Variants in PCDHGB7 observed in about 807,000 individuals in gnomAD.
The protein encoded by PCDHGB7 is protocadherin gamma subfamily B, 7.
In PCDHGB7, 37 loss-of-function variants were observed where a neutral mutation model predicts 61.4. The ratio of observed to expected loss-of-function variants is 0.60; its 90% CI spans 0.46 to 0.79. The LOEUF (loss-of-function observed/expected upper bound fraction) is 0.79, where lower values mean the gene tolerates loss of function less well. Among genes scored for constraint, PCDHGB7 ranks in the 30% least tolerant of loss-of-function variants. The pLI is 0.00. For synonymous variants in PCDHGB7, 464 were observed against 503.5 expected, an observed-to-expected ratio of 0.92 and a Z score of 1.05; for missense variants, 1,166 against 1,202.5, an observed-to-expected ratio of 0.97 and a Z score of 0.45.
rs1265400499 is a variant in PCDHGB7, at chr5:141,418,608, G to A, written c.749G>A (p.Ser250Asn). The A allele has an allele frequency of 6.2e-7, 1 of 1,614,040 alleles. No individual in the cohort carries two copies. Among genetic ancestry groups the A allele is most frequent in the Admixed American group, 1.7e-5 (1 of 60,036 alleles). The change falls in exon 1 of 4, where the codon AGC (serine) becomes AAC (asparagine). Residue 250 changes from serine to asparagine, a missense_variant. Transcript: ENST00000398594. ...TTCAGCCAGGACGTGTACAGGGTTA[G>A]CCTTCGGGAAGACGTGCCTCCAGGC... ...PVFSQDVYRVSLREDVPPGTS... is the reference protein window; with the variant it reads ...PVFSQDVYRVNLREDVPPGTS...
chr5:141,466,203 C>G (rs1291051063), intron 1 of PCDHGB7, among the ~76,000 whole-genome samples: 1 of 151,914 alleles, frequency 6.6e-6, no homozygotes, highest in Non-Finnish European at 1.5e-5. Context: ...CACAGCCTTG[C>G]TCTGTTACCC....
At chr5:141,499,330 C>T (rs1040336371) in intron 2 of PCDHGB7, among the ~76,000 whole-genome samples, 1 of 152,170 alleles carries the variant, frequency 6.6e-6, no homozygotes, top group African/African-American at 2.4e-5. Flanking sequence ...CCTGCTCTCT[C>T]TCAGTTTGGG....
chr5:141,506,896 T>C (rs1417106112), intron 3 of PCDHGB7, among the ~76,000 whole-genome samples: 3 of 152,158 alleles, frequency 2.0e-5, no homozygotes, highest in African/African-American at 7.2e-5. Flanking sequence ...CAAGAAGCAC[T>C]GTCATCACAC....
intron 1 of PCDHGB7, chr5:141,478,531 C>A (rs771145308): frequency 8.1e-6 from 13 of 1,608,072 alleles, no homozygotes; most frequent in Admixed American, 5.1e-5. Context: ...GTGCAGAGAG[C>A]GCCCCTCCCG....
chr5:141,493,021 G>C lies in PCDHGB7; in HGVS notation c.2416-1786G>C, dbSNP rs1261539371. On this transcript the variant is annotated intron_variant, in intron 1 of 3. Transcript: ENST00000398594. This position sits in a 1 kb window ranked among gnomAD's most constrained non-coding sequence, Gnocchi z 4.3. ...AGCTATAGGCTCTGCCAGATGCCAG[G>C]GTGCCCTTATGTGTGAGGAAACTAC... Among the ~76,000 whole-genome samples, 1 of 152,180 alleles carries C rather than the reference G, an allele frequency of 6.6e-6. No individual in the cohort carries two copies. The highest frequency in any genetic ancestry group is 6.5e-5 in the Admixed American group (1 of 15,284).
chr5:141,465,448 A>G (rs2099103302), intron 1 of PCDHGB7, among the ~76,000 whole-genome samples: 2 of 152,192 alleles, frequency 1.3e-5, no homozygotes, highest in Admixed American at 1.3e-4. Flanking sequence ...TTACCCAAGA[A>G]AACTCTCACC....
rs1225473275 is a variant in PCDHGB7 at position 141,512,442 on chromosome 5, TC to T, written c.*1271del. ...GGCCCCTGCCCTCCTGAAGCCTCAG[TC>T]CTTCACCTTGCCAGGTGCCGTTTCT... is the stretch of plus-strand genomic sequence containing the variant. On this transcript the variant is annotated 3_prime_UTR_variant, in exon 4 of 4. Transcript: ENST00000398594. 1 of 152,892 alleles carries T rather than the reference TC, an allele frequency of 6.5e-6. No individual in the cohort carries two copies. Among genetic ancestry groups the T allele is most frequent in the African/African-American group, 2.4e-5 (1 of 41,466 alleles). 9.5% of individuals were successfully genotyped at this position (152,892 alleles called of 1,614,324 possible).
In PCDHGB7 at chr5:141,489,327, G is replaced by A; in HGVS notation, c.2416-5480G>A. The A allele has an allele frequency of 6.2e-7, 1 of 1,603,940 alleles. No individual in the cohort carries two copies. Among genetic ancestry groups the A allele is most frequent in the South Asian group, 1.1e-5 (1 of 89,400 alleles). ...TGTGCTGCTGGGGCTGGGTGTCTGG[G>A]CAGCTTCGTTACTCAGTGGTGGAGG... is the stretch of plus-strand genomic sequence containing the variant. On this transcript the variant is annotated intron_variant, in intron 1 of 3. Transcript: ENST00000398594. This position sits in a 1 kb window ranked among gnomAD's most constrained non-coding sequence, Gnocchi z 4.5.
At chr5:141,482,205 C>T (rs1478729653) in intron 1 of PCDHGB7, among the ~76,000 whole-genome samples, 1 of 151,896 alleles carries the variant, frequency 6.6e-6, no homozygotes, top group Non-Finnish European at 1.5e-5. Context: ...TAAAACAGAC[C>T]AGGTACTTGT....
chr5:141,481,646 C>T (rs1425216422), intron 1 of PCDHGB7, among the ~76,000 whole-genome samples: 1 of 151,950 alleles, frequency 6.6e-6, no homozygotes, highest in African/African-American at 2.4e-5. Flanking sequence ...GGTGAAACTT[C>T]ATCTCTACTA....
intron 1 of PCDHGB7, chr5:141,478,437 A>G (rs2099455876): frequency 6.2e-7 from 1 of 1,613,758 alleles, no homozygotes; most frequent in African/African-American, 1.3e-5. Flanking sequence ...CCGCTGCTGA[A>G]GAAACCTGGT....
chr5:141,421,426 A>G, intron 1 of PCDHGB7: 2 of 1,614,104 alleles, frequency 1.2e-6, no homozygotes, highest in South Asian at 1.1e-5. Context: ...CGGAGTCCGC[A>G]TCGTCTCCAG....
At chr5:141,496,021 G>A (rs1011612662) in intron 2 of PCDHGB7, among the ~76,000 whole-genome samples, 1 of 151,336 alleles carries the variant, frequency 6.6e-6, no homozygotes, top group Admixed American at 6.6e-5. Context: ...TTTTCTCTGA[G>A]CCTCTGTCTC....
chr5:141,418,954 T>G lies in PCDHGB7; in HGVS notation c.1095T>G (p.Val365=), dbSNP rs1490406390. 6.2e-7 allele frequency: 1 copy of G among 1,613,914 alleles called. No homozygotes were observed. Among genetic ancestry groups the G allele is most frequent in the East Asian group, 2.2e-5 (1 of 44,894 alleles). ...TGGAGGATTCCCCTCCAGGAGTGGT[T>G]GTTGCCCTCTTCAAAACACGGGACC... ...QIMEDSPPGV[V]VALFKTRDQD... The change falls in exon 1 of 4, where the codon GTT becomes GTG. Residue 365 remains valine, a synonymous_variant. Transcript: ENST00000398594.
intron 1 of PCDHGB7, chr5:141,478,432 G>T (rs1238011675): frequency 6.2e-7 from 1 of 1,613,728 alleles, no homozygotes; most frequent in Admixed American, 1.7e-5. Context: ...GCGACCCGCT[G>T]CTGAAGAAAC....
chr5:141,439,960 T>G (rs1297261423), intron 1 of PCDHGB7: 1 of 152,668 alleles, frequency 6.6e-6, no homozygotes, highest in African/African-American at 2.4e-5. Flanking sequence ...AGATCCGTTA[T>G]TCAGTCCTAG....
intron 2 of PCDHGB7, among the ~76,000 whole-genome samples, chr5:141,496,582 G>C (rs991035985): frequency 6.6e-6 from 1 of 152,100 alleles, no homozygotes; most frequent in Non-Finnish European, 1.5e-5. Flanking sequence ...TTTTAGGAAC[G>C]CAAAGCGCTT....
Position 141,419,136 on chromosome 5 carries a change from A to G in PCDHGB7, c.1277A>G (p.Asp426Gly). 3 of 1,613,918 alleles carry G rather than the reference A, an allele frequency of 1.9e-6. No homozygotes were observed. The highest frequency in any genetic ancestry group is 1.7e-6 in the Non-Finnish European group (2 of 1,179,896). ...PEYNVTIAAT[D>G]RGKPPLSSSK... ...TACAACGTCACCATCGCAGCCACAG[A>G]CAGGGGCAAGCCTCCGTTATCCTCC... Residue 426 changes from aspartate to glycine, a missense_variant, in exon 1 of 4, where the codon GAC (aspartate) becomes GGC (glycine). By Grantham distance (94) the Asp-to-Gly change is moderately conservative (BLOSUM62 -1). Transcript: ENST00000398594.
At chr5:141,422,187 T>A in intron 1 of PCDHGB7, 1 of 1,561,762 alleles carries the variant, frequency 6.4e-7, no homozygotes, top group South Asian at 1.2e-5. Context: ...AGATGGAAAT[T>A]CAAGGCCAAG....
Sources: gnomAD v4.1 joint callset for allele counts (sites outside exome capture counted in the v4.1 genomes callset) on GRCh38, gnomAD v4.1.1 for gene constraint, Gnocchi (gnomAD v3.1) non-coding constraint, MANE v1.5 for transcripts, NCBI Gene and HGNC (gene_info 2026-07-23, HGNC 2026-07-21) for gene names.